The following ZNF469 variants were observed in gnomAD, a reference collection of about 807,000 sequenced individuals.
The protein encoded by ZNF469 is zinc finger protein 469.
Under a neutral mutation model 1.0 loss-of-function variants are expected in ZNF469, and 1 was observed. The observed-to-expected ratio is 1.00, with a 90% CI of 0.35 to 4.73. ZNF469 has a LOEUF of 4.73. ZNF469 is among the 30% of genes most tolerant of loss of function. The pLI, the probability that ZNF469 is intolerant of heterozygous loss-of-function variation, is 0.16. For synonymous variants in ZNF469, 2,703 were observed against 2,363.4 expected, an observed-to-expected ratio of 1.14 and a Z score of -4.17; for missense variants, 6,100 against 5,356.3, an observed-to-expected ratio of 1.14 and a Z score of -4.33.
At chr16:88,330,088 C>T in the ZNF469 span, among the ~76,000 whole-genome samples, 6 of 152,244 alleles carry the variant, frequency 3.9e-5, no homozygotes, top group African/African-American at 1.4e-4. Context: ...AGAGGGAGGT[C>T]AGCGTTGGAC....
At chr16:88,241,030 C>T in the ZNF469 span, among the ~76,000 whole-genome samples, 2 of 152,180 alleles carry the variant, frequency 1.3e-5, no homozygotes, top group Non-Finnish European at 2.9e-5. This position sits in a 1 kb window ranked among gnomAD's most constrained non-coding sequence, Gnocchi z 4.8. Context: ...CCTGGCAGGG[C>T]TCTGCCATTG....
At chr16:88,214,975 T>A in the ZNF469 span, among the ~76,000 whole-genome samples, 19 of 151,936 alleles carry the variant, frequency 1.3e-4, no homozygotes, top group African/African-American at 4.6e-4. Flanking sequence ...ATGTCCCTCT[T>A]TGTCTCTGAT....
At chr16:88,332,918 G>A in the ZNF469 span, among the ~76,000 whole-genome samples, 41 of 152,296 alleles carry the variant, frequency 2.7e-4, no homozygotes, top group Admixed American at 2.2e-3. Context: ...CTGCTTTCCA[G>A]CCCATGACCT....
chr16:88,357,993 G>A, the ZNF469 span, among the ~76,000 whole-genome samples: 2 of 152,234 alleles, frequency 1.3e-5, no homozygotes, highest in Admixed American at 6.5e-5. Context: ...CTTGTCCTGG[G>A]AAGAAACTGA....
Position 88,430,636 on chromosome 16 carries a change from C to G in ZNF469, c.3166C>G (p.Gln1056Glu). 1 of 1,498,938 alleles carries G rather than the reference C, an allele frequency of 6.7e-7. No individual in the cohort carries two copies. The highest frequency in any genetic ancestry group is 8.9e-7 in the Non-Finnish European group (1 of 1,129,604). The allele number at this position is 1,498,938 out of a possible 1,614,324, so 92.9% of individuals were successfully genotyped here. The change falls in exon 3 of 3, where the codon CAG becomes GAG. Residue 1056 changes from glutamine (Q) to glutamate (E), a missense_variant. Gln to Glu is a conservative substitution (Grantham distance 29). Transcript: ENST00000565624. ...CAAGGAGCTCATTCTGAAGATCGTG[C>G]AGCAGAAGAACAGGCGCCACCGGCG... ...WGKELILKIV[Q>E]QKNRRHRRLG...
chr16:88,286,355 A>G, the ZNF469 span, among the ~76,000 whole-genome samples: 1 of 152,236 alleles, frequency 6.6e-6, no homozygotes, highest in Non-Finnish European at 1.5e-5. Context: ...ATCTGCCGTT[A>G]TACTCAGGTG....
chr16:88,317,927 T>A, the ZNF469 span, among the ~76,000 whole-genome samples: 2 of 152,238 alleles, frequency 1.3e-5, no homozygotes, highest in Non-Finnish European at 2.9e-5. Flanking sequence ...AACCTAGGTC[T>A]TGAGGGTGAT....
the ZNF469 span, among the ~76,000 whole-genome samples, chr16:88,342,738 C>T: frequency 6.6e-6 from 1 of 152,198 alleles, no homozygotes. Flanking sequence ...ATCTGTTCTG[C>T]GTTGGGCCAG....
chr16:88,219,240 C>G, the ZNF469 span, among the ~76,000 whole-genome samples: 1 of 150,608 alleles, frequency 6.6e-6, no homozygotes, highest in African/African-American at 2.5e-5. Context: ...GCTACCAATG[C>G]CTTTCCTCAC....
the ZNF469 span, among the ~76,000 whole-genome samples, chr16:88,307,087 A>G: frequency 6.6e-6 from 1 of 152,302 alleles, no homozygotes; most frequent in South Asian, 2.1e-4. Flanking sequence ...TTTCATAGAA[A>G]TGGGATCATA....
the ZNF469 span, among the ~76,000 whole-genome samples, chr16:88,138,323 A>G: frequency 6.6e-6 from 1 of 152,172 alleles, no homozygotes; most frequent in African/African-American, 2.4e-5. Flanking sequence ...CCCTGCCCTC[A>G]GCCCACTTTC....
the ZNF469 span, among the ~76,000 whole-genome samples, chr16:88,364,911 G>C: frequency 6.6e-6 from 1 of 152,292 alleles, no homozygotes; most frequent in East Asian, 1.9e-4. Context: ...GTTACAGCAA[G>C]CCAAGATCAC....
the ZNF469 span, among the ~76,000 whole-genome samples, chr16:88,359,219 C>G: frequency 6.6e-6 from 1 of 151,518 alleles, no homozygotes; most frequent in Non-Finnish European, 1.5e-5. Context: ...ACCCTGCATG[C>G]ATTTGCTATG....
the ZNF469 span, among the ~76,000 whole-genome samples, chr16:88,249,165 C>T: frequency 1.3e-5 from 2 of 151,914 alleles, no homozygotes; most frequent in Non-Finnish European, 2.9e-5. Flanking sequence ...TGGATAGTAG[C>T]TCCACTCCTT....
the ZNF469 span, among the ~76,000 whole-genome samples, chr16:88,180,465 T>C: frequency 6.6e-6 from 1 of 152,142 alleles, no homozygotes. Context: ...ATAGATACAT[T>C]ATATGATCCT....
chr16:88,120,324 A>G, the ZNF469 span, among the ~76,000 whole-genome samples: 2 of 152,210 alleles, frequency 1.3e-5, no homozygotes, highest in Admixed American at 1.3e-4. Flanking sequence ...CTTCTGCTGC[A>G]TGTGTGTGTT....
chr16:88,166,504 C>A, the ZNF469 span, among the ~76,000 whole-genome samples: 2 of 152,210 alleles, frequency 1.3e-5, no homozygotes, highest in Non-Finnish European at 2.9e-5. This position sits in a 1 kb window ranked among gnomAD's most constrained non-coding sequence, Gnocchi z 4.5. Flanking sequence ...GGCACCCTCC[C>A]TGATCAAGAC....
chr16:88,383,816 C>G (rs1352502521), intron 1 of ZNF469, among the ~76,000 whole-genome samples: 2 of 152,142 alleles, frequency 1.3e-5, no homozygotes, highest in African/African-American at 4.8e-5. Context: ...TGGAGCCCAC[C>G]CTGGGGGAGA....
the ZNF469 span, among the ~76,000 whole-genome samples, chr16:88,160,124 C>T: frequency 1.3e-5 from 2 of 152,150 alleles, no homozygotes; most frequent in Non-Finnish European, 2.9e-5. Flanking sequence ...CAGAACCCAC[C>T]GAAGGGTGCT....
Sources: allele counts gnomAD v4.1 joint callset (sites outside exome capture counted in the v4.1 genomes callset), GRCh38; gene constraint gnomAD v4.1.1; non-coding constraint Gnocchi (gnomAD v3.1); transcripts MANE v1.5; gene names NCBI Gene and HGNC (gene_info 2026-07-23, HGNC 2026-07-21).